SIPA1L3: variants seen among roughly 807,000 people sequenced by gnomAD.
SIPA1L3 encodes signal induced proliferation associated 1 like 3.
A neutral mutation model predicts 150.1 loss-of-function variants in SIPA1L3; 59 were observed. The observed-to-expected ratio is 0.39, with a 90% CI of 0.32 to 0.49. The LOEUF (loss-of-function observed/expected upper bound fraction) is 0.49, where lower values mean the gene tolerates loss of function less well. Ranked by LOEUF, SIPA1L3 falls within the 20% of genes least tolerant of loss-of-function variation. SIPA1L3 has a pLI of 0.86. For synonymous variants in SIPA1L3, 1,070 were observed against 1,077.6 expected (o/e 0.99, Z 0.14); for missense variants, 2,211 against 2,489.5 (o/e 0.89, Z 2.38).
chr19:38,039,858 G>A (rs1476200317), intron 2 of SIPA1L3, among the ~76,000 whole-genome samples: 1 of 152,132 alleles, frequency 6.6e-6, no homozygotes, highest in East Asian at 1.9e-4. Flanking sequence ...AGTGGCTCAC[G>A]CCTGTAATCC....
At chr19:38,199,853 AT>A in intron 19 of SIPA1L3, 1 of 30,312 alleles carries the variant, frequency 3.3e-5, no homozygotes, top group South Asian at 1.7e-3. Flanking sequence ...ATTTTCTTAA[AT>A]ATATATATAT....
intron 6 of SIPA1L3, among the ~76,000 whole-genome samples, chr19:38,104,866 T>C (rs1318667037): frequency 6.6e-6 from 1 of 151,474 alleles, no homozygotes. Flanking sequence ...CCACCGCGCC[T>C]GGCCAGGAAG....
In SIPA1L3 at chr19:38,153,230, A is replaced by T. The variant is rs8104392; in HGVS notation, c.3661+263A>T. ...GCCAGAGCCGGCGTGCAGCTGTGTGACATGGAGCTGGGAGCCACCAGGGAA... is the reference window on the plus strand; with the variant it reads ...GCCAGAGCCGGCGTGCAGCTGTGTGTCATGGAGCTGGGAGCCACCAGGGAA... On this transcript the variant is annotated intron_variant, in intron 13 of 21. Coordinates refer to ENST00000222345, the MANE Select transcript of SIPA1L3 (RefSeq NM_015073.3). Among the ~76,000 whole-genome samples, 11,318 of 152,300 alleles carry T rather than the reference A, an allele frequency of 0.074. 1,263 individuals carry two copies. The highest frequency in any genetic ancestry group is 0.23 in the African/African-American group (9,747 of 41,532).
rs558538292 is a variant in SIPA1L3, at chr19:38,011,190, G to T, written c.-378-17899G>T. On this transcript the variant is annotated intron_variant, in intron 1 of 21. Coordinates refer to ENST00000222345, the MANE Select transcript of SIPA1L3 (RefSeq NM_015073.3). ...TCAGCAAGACATAATAAAGCAATCAGTGGGTCGGGCCTAGTGGCTCACACC... is the reference window on the plus strand; with the variant it reads ...TCAGCAAGACATAATAAAGCAATCATTGGGTCGGGCCTAGTGGCTCACACC... 8.5e-5 allele frequency among the ~76,000 whole-genome samples: 13 copies of T among 152,210 alleles called. No individual in the cohort carries two copies. In the East Asian group the frequency reaches 2.5e-3, roughly 29 times the overall value.
chr19:37,997,895 G>T (rs1967682685), intron 1 of SIPA1L3, among the ~76,000 whole-genome samples: 1 of 151,470 alleles, frequency 6.6e-6, no homozygotes. Context: ...AAGAAAAAGA[G>T]AGAGAGAGAG....
intron 1 of SIPA1L3, among the ~76,000 whole-genome samples, chr19:37,979,632 A>G (rs1017515467): frequency 4.0e-5 from 6 of 151,882 alleles, no homozygotes; most frequent in African/African-American, 1.5e-4. Flanking sequence ...TTGGTTGTGT[A>G]TTGTCTGTGG....
intron 1 of SIPA1L3, among the ~76,000 whole-genome samples, chr19:37,995,253 A>C (rs1010883809): frequency 6.7e-6 from 1 of 150,112 alleles, no homozygotes; most frequent in African/African-American, 2.4e-5. Flanking sequence ...AGCAAGAGAC[A>C]GGGGATGGCA....
chr19:37,956,413 T>G (rs939662457), intron 1 of SIPA1L3, among the ~76,000 whole-genome samples: 4 of 152,144 alleles, frequency 2.6e-5, no homozygotes, highest in Non-Finnish European at 5.9e-5. Flanking sequence ...TCATCAGATA[T>G]GTAGTTTGCA....
intron 16 of SIPA1L3, among the ~76,000 whole-genome samples, chr19:38,188,657 G>A (rs558547025): frequency 1.5e-4 from 23 of 151,790 alleles, no homozygotes; most frequent in African/African-American, 4.4e-4. Flanking sequence ...GCGCGGTGGC[G>A]CATGCCTGTA....
At chr19:38,078,244 G>T (rs955637465) in intron 2 of SIPA1L3, among the ~76,000 whole-genome samples, 2 of 152,094 alleles carry the variant, frequency 1.3e-5, no homozygotes, top group African/African-American at 2.4e-5. Context: ...TTCTCGTGGG[G>T]CACCAGGAAG....
In SIPA1L3 at chr19:38,143,304, C is replaced by G. The variant is rs546346988; in HGVS notation, c.3533+594C>G. On this transcript the variant is annotated intron_variant, in intron 12 of 21. Transcript: ENST00000222345. The stretch of plus-strand genomic sequence containing the variant: ...TCTTCCTCTGCCCCCAGGTCCCTGT[C>G]TCAGGGGCAGCCACATCAATCCTAG... Among the ~76,000 whole-genome samples, 4 of 152,298 alleles carry G rather than the reference C, an allele frequency of 2.6e-5. No homozygotes were observed. The South Asian group carries it at 8.3e-4, about 32-fold the overall frequency.
At chr19:38,107,993 CAAA>C (rs374605991) in intron 7 of SIPA1L3, among the ~76,000 whole-genome samples, 2 of 130,716 alleles carry the variant, frequency 1.5e-5, no homozygotes, top group East Asian at 2.1e-4. Flanking sequence ...GAAAAAAAAG[CAAA>C]AAAAAAAAGC....
rs563830486 is a variant in SIPA1L3 at position 38,188,848 on chromosome 19, C to T, written c.4431-3297C>T. ...TGAGGCAGGAGAATGGCGTGAACCTCGGAGGCGGAGCTTGCAGTGAGCCAA... is the reference window on the plus strand; with the variant it reads ...TGAGGCAGGAGAATGGCGTGAACCTTGGAGGCGGAGCTTGCAGTGAGCCAA... On this transcript the variant is annotated intron_variant, in intron 16 of 21. Transcript: ENST00000222345. Among the ~76,000 whole-genome samples the T allele has an allele frequency of 4.4e-4, 67 of 151,162 alleles. 1 individual carries two copies. The highest frequency in any genetic ancestry group is 6.8e-3 in the Middle Eastern group (2 of 292).
chr19:38,203,742 G>A (rs893773245), intron 20 of SIPA1L3: 14 of 185,544 alleles, frequency 7.5e-5, no homozygotes, highest in African/African-American at 2.1e-4. Flanking sequence ...GTCCATTCTC[G>A]TGCTTCCTGT....
intron 20 of SIPA1L3, among the ~76,000 whole-genome samples, chr19:38,203,032 C>T (rs1296070905): frequency 6.6e-6 from 1 of 152,246 alleles, no homozygotes; most frequent in Non-Finnish European, 1.5e-5. Context: ...CTGCACACCT[C>T]ACGGTTCAGG....
At chr19:38,000,638 A>T (rs1456743021) in intron 1 of SIPA1L3, among the ~76,000 whole-genome samples, 16 of 146,320 alleles carry the variant, frequency 1.1e-4, no homozygotes, top group African/African-American at 4.0e-4. Context: ...TTTTCACTCG[A>T]TGTTCAAAAT....
intron 1 of SIPA1L3, chr19:37,964,934 G>T (rs1489838131): frequency 6.6e-6 from 1 of 152,174 alleles, no homozygotes; most frequent in Admixed American, 6.6e-5. Context: ...CTCGGTAATT[G>T]TGACATGCAG....
At chr19:38,062,040 T>A (rs1054318065) in intron 2 of SIPA1L3, among the ~76,000 whole-genome samples, 2 of 151,788 alleles carry the variant, frequency 1.3e-5, no homozygotes, top group African/African-American at 4.8e-5. Flanking sequence ...GCACTGTGAG[T>A]GCAGGTGCTG....
intron 1 of SIPA1L3, among the ~76,000 whole-genome samples, chr19:37,911,250 C>CCTGT (rs1555763102): frequency 1.3e-5 from 2 of 149,636 alleles, no homozygotes; most frequent in African/African-American, 4.9e-5. Context: ...TATGTATGTG[C>CCTGT]GTGTGTGTGT....
Sources: gnomAD v4.1 joint callset for allele counts (sites outside exome capture counted in the v4.1 genomes callset) on GRCh38, gnomAD v4.1.1 for gene constraint, MANE v1.5 for transcripts, NCBI Gene and HGNC (gene_info 2026-07-23, HGNC 2026-07-21) for gene names.